Variants in SF3B3 observed in about 807,000 individuals in gnomAD.
The protein encoded by SF3B3 is SAP 130.
A neutral mutation model predicts 139.2 loss-of-function variants in SF3B3; 33 were observed. The observed-to-expected ratio is 0.24, with a 90% CI of 0.18 to 0.32. The LOEUF (loss-of-function observed/expected upper bound fraction) is 0.32. Ranked by LOEUF, SF3B3 falls within the 10% of genes least tolerant of loss-of-function variation. SF3B3 has a pLI of 1.00. For missense variants in SF3B3, 818 were observed against 1,509.4 expected (o/e 0.54, Z 7.59); for synonymous variants, 596 against 563.6 (o/e 1.06, Z -0.81).
rs952585076 is a variant in SF3B3 at position 70,526,723 on chromosome 16, T to A, written c.67T>A (p.Ser23Thr). The A allele has an allele frequency of 6.2e-7, 1 of 1,608,842 alleles. No homozygotes were observed. The highest frequency in any genetic ancestry group is 1.3e-5 in the African/African-American group (1 of 74,948). Reference protein sequence around the residue: ...GISFAIHGNFSGTKQQEIVVS... With the variant: ...GISFAIHGNFTGTKQQEIVVS... ...CAGCTTTGCCATTCATGGAAACTTT[T>A]CTGGTAAGTTCTCTCGTTACCATCT... Residue 23 changes from serine to threonine, a missense_variant, in exon 2 of 26, where the codon TCT (serine) becomes ACT (threonine). Physicochemically the swap from Ser to Thr is moderately conservative, Grantham distance 58 (BLOSUM62 1). Coordinates refer to ENST00000302516, the MANE Select transcript of SF3B3 (RefSeq NM_012426.5).
intron 9 of SF3B3, among the ~76,000 whole-genome samples, chr16:70,542,441 GTC>G (rs2050228077): frequency 6.6e-6 from 1 of 152,176 alleles, no homozygotes; most frequent in African/African-American, 2.4e-5. Context: ...TGGAGTTTGT[GTC>G]TCTCATTGCT....
At chr16:70,525,732 C>T (rs1277198611) in intron 1 of SF3B3, among the ~76,000 whole-genome samples, 2 of 151,834 alleles carry the variant, frequency 1.3e-5, no homozygotes, top group East Asian at 1.9e-4. Flanking sequence ...CTTTGGGAGG[C>T]GGAGGCGGGC....
intron 9 of SF3B3, among the ~76,000 whole-genome samples, chr16:70,543,831 T>C (rs957427021): frequency 6.7e-6 from 1 of 150,248 alleles, no homozygotes; most frequent in African/African-American, 2.4e-5. Context: ...CTGAATAATG[T>C]TTTACTGTTT....
chr16:70,535,004 A>G (rs1326771297), intron 5 of SF3B3, among the ~76,000 whole-genome samples: 1 of 152,188 alleles, frequency 6.6e-6, no homozygotes, highest in African/African-American at 2.4e-5. Context: ...TGGAAGGTCC[A>G]TGTCCAGTAG....
Position 70,567,397 on chromosome 16 carries a change from C to A in SF3B3, c.2827-14C>A. 1 of 1,607,814 alleles carries A rather than the reference C, an allele frequency of 6.2e-7. No homozygotes were observed. Among genetic ancestry groups the A allele is most frequent in the Non-Finnish European group, 8.5e-7 (1 of 1,177,738 alleles). On this transcript the variant is annotated splice_polypyrimidine_tract_variant and intron_variant, in intron 20 of 25. Transcript: ENST00000302516. Reference sequence around the variant, plus strand: ...GCATTTATAATAGCTGTATTACCTGCTTTTCCTCTATAGACTCCTGTGGAA... The same window carrying A: ...GCATTTATAATAGCTGTATTACCTGATTTTCCTCTATAGACTCCTGTGGAA...
rs899838658 is a variant in SF3B3, at chr16:70,576,640, C to G, written c.*4827C>G. On this transcript the variant is annotated 3_prime_UTR_variant, in exon 26 of 26. Transcript: ENST00000302516. ...GTTATGAGGACACACTGGGGAATCTCAGCTTTAGGGAGTCGATGATGTAAC... is the reference window on the plus strand; with the variant it reads ...GTTATGAGGACACACTGGGGAATCTGAGCTTTAGGGAGTCGATGATGTAAC... The G allele has an allele frequency of 6.6e-6, 1 of 152,192 alleles. No homozygotes were observed. Among genetic ancestry groups the G allele is most frequent in the South Asian group, 2.1e-4 (1 of 4,830 alleles). 9.4% of individuals were successfully genotyped at this position (152,192 alleles called of 1,614,324 possible).
At chr16:70,562,053 C>T (rs1441279163) in intron 17 of SF3B3, among the ~76,000 whole-genome samples, 1 of 152,164 alleles carries the variant, frequency 6.6e-6, no homozygotes, top group Non-Finnish European at 1.5e-5. Context: ...TGTTTTCTAG[C>T]AAAAGGGTAT....
At chr16:70,559,774 T>G (rs1342904275) in intron 15 of SF3B3, among the ~76,000 whole-genome samples, 4 of 152,120 alleles carry the variant, frequency 2.6e-5, no homozygotes, top group African/African-American at 9.7e-5. Context: ...ACTCCTTTTT[T>G]TTTTTTTAAA....
At chr16:70,533,208 G>A (rs759898073) in intron 5 of SF3B3, among the ~76,000 whole-genome samples, 44 of 152,042 alleles carry the variant, frequency 2.9e-4, no homozygotes, top group Admixed American at 5.2e-4. Context: ...CAAGTTTCTC[G>A]GCTGGGCATG....
At position 70,555,338 on chromosome 16, in the gene SF3B3, C is replaced by T. The variant is rs1396102074; in HGVS notation, c.1710+132C>T. 2.1e-5 allele frequency: 17 copies of T among 810,194 alleles called. 1 individual carries two copies. Among genetic ancestry groups the T allele is most frequent in the Middle Eastern group, 7.7e-4 (2 of 2,596 alleles). The allele number at this position is 810,194 out of a possible 1,614,324, so 50.2% of individuals were successfully genotyped here. A position where few individuals can be genotyped will look rare whatever the true frequency, so the allele number is the denominator to read the frequency against. ...ACTAAAAATACAAAAATTAGCTGGG[C>T]GTGTTGGCATGCACCTTGTAGTCCT... On this transcript the variant is annotated intron_variant, in intron 13 of 25. Transcript: ENST00000302516.
chr16:70,534,293 A>G (rs2050146901), intron 5 of SF3B3, among the ~76,000 whole-genome samples: 1 of 152,204 alleles, frequency 6.6e-6, no homozygotes, highest in East Asian at 1.9e-4. Context: ...AAAGCTCATT[A>G]TGATTTAATT....
chr16:70,554,336 A>C, intron 11 of SF3B3, 110 bp from the exon 12 acceptor site: 1 of 993,862 alleles, frequency 1.0e-6, no homozygotes, highest in Non-Finnish European at 1.5e-6. Flanking sequence ...TAATAACTAC[A>C]CATAGAAGAA....
At chr16:70,563,267 G>T (rs2050446528) in intron 17 of SF3B3, among the ~76,000 whole-genome samples, 1 of 152,198 alleles carries the variant, frequency 6.6e-6, no homozygotes, top group Admixed American at 6.5e-5. Flanking sequence ...ACCACACGCA[G>T]CCCCTATCTT....
chr16:70,555,240 T>G (rs1567419883), intron 13 of SF3B3, 34 bp downstream of exon 13: 1 of 1,589,746 alleles, frequency 6.3e-7, no homozygotes. Context: ...TGGGACTTAT[T>G]GTAGGGACCA....
chr16:70,557,624 A>G (rs145080368), intron 15 of SF3B3, among the ~76,000 whole-genome samples: 1 of 152,304 alleles, frequency 6.6e-6, no homozygotes, highest in African/African-American at 2.4e-5. Flanking sequence ...GTGAACTTCC[A>G]TGTACCCAGT....
At position 70,575,005 on chromosome 16, in the gene SF3B3, T is replaced by C. The variant is rs1162398917; in HGVS notation, c.*3192T>C. The C allele has an allele frequency of 6.6e-6, 1 of 152,112 alleles. No homozygotes were observed. The highest frequency in any genetic ancestry group is 1.5e-5 in the Non-Finnish European group (1 of 68,028). The allele number at this position is 152,112 out of a possible 1,614,324, so 9.4% of individuals were successfully genotyped here. Reference sequence around the variant, plus strand: ...AACGGAGGAAAGGAATAGATGGCTCTCGAGGACAAGATAGGGACTCTTAAA... The same window carrying C: ...AACGGAGGAAAGGAATAGATGGCTCCCGAGGACAAGATAGGGACTCTTAAA... On this transcript the variant is annotated 3_prime_UTR_variant, in exon 26 of 26. Coordinates refer to ENST00000302516, the MANE Select transcript of SF3B3 (RefSeq NM_012426.5).
intron 8 of SF3B3, among the ~76,000 whole-genome samples, chr16:70,541,274 A>AT (rs1399716748): frequency 1.3e-5 from 2 of 152,200 alleles, no homozygotes; most frequent in African/African-American, 2.4e-5. Flanking sequence ...CCCATTGCCC[A>AT]TTTTTTAAGA....
chr16:70,533,472 T>G (rs2050140009), intron 5 of SF3B3, among the ~76,000 whole-genome samples: 2 of 152,240 alleles, frequency 1.3e-5, no homozygotes, highest in African/African-American at 4.8e-5. Flanking sequence ...TGCAGGCTAG[T>G]TCATACGGTT....
chr16:70,539,675 C>T (rs1387054848), intron 8 of SF3B3, among the ~76,000 whole-genome samples: 5 of 152,084 alleles, frequency 3.3e-5, no homozygotes, highest in African/African-American at 9.7e-5. Context: ...TCTTACCTTC[C>T]TTTATTTTAG....
Sources: allele counts gnomAD v4.1 joint callset (sites outside exome capture counted in the v4.1 genomes callset), GRCh38; gene constraint gnomAD v4.1.1; transcripts MANE v1.5; gene names NCBI Gene and HGNC (gene_info 2026-07-23, HGNC 2026-07-21).